Variants in DMD observed in about 807,000 individuals in gnomAD.
DMD encodes the protein mutant dystrophin.
A neutral mutation model predicts 330.1 loss-of-function variants in DMD; 63 were observed. That is an observed-to-expected ratio of 0.19 (90% confidence interval 0.16 to 0.24). DMD has a LOEUF of 0.24. DMD is among the 10% of genes least tolerant of loss of function. DMD has a pLI of 1.00. For synonymous variants in DMD, 1,223 were observed against 959.8 expected (o/e 1.27, Z -5.07); for missense variants, 3,344 against 2,684.1 (o/e 1.25, Z -5.43).
intron 74 of DMD, among the ~76,000 whole-genome samples, chrX:31,155,451 A>G: frequency 8.9e-6 from 1 of 112,519 alleles, no homozygotes; most frequent in East Asian, 2.8e-4. Context: ...AAGTAGAACA[A>G]CTACAAAGAT....
chrX:32,668,776 G>A (rs1313996428), intron 9 of DMD, among the ~76,000 whole-genome samples: 1 of 109,781 alleles, frequency 9.1e-6, no homozygotes, highest in East Asian at 2.8e-4. Context: ...TTTTAATGAA[G>A]GGAGGAAAAT....
chrX:32,123,237 A>ATT (rs2096646189), intron 44 of DMD, among the ~76,000 whole-genome samples: 1 of 85,665 alleles, frequency 1.2e-5, no homozygotes, highest in Non-Finnish European at 2.3e-5. Context: ...ATATATATAT[A>ATT]TATATAAATG....
chrX:31,891,180 T>C (rs748782539), intron 47 of DMD, among the ~76,000 whole-genome samples: 4 of 111,046 alleles, frequency 3.6e-5, no homozygotes, highest in Non-Finnish European at 7.6e-5. Context: ...TCGGGAAGAG[T>C]TGGCATTGGC....
chrX:31,255,769 CTTTTTTTTTTT>C (rs146884145), intron 63 of DMD, among the ~76,000 whole-genome samples: 1 of 50,832 alleles, frequency 2.0e-5, no homozygotes, highest in African/African-American at 1.0e-4. Flanking sequence ...AATATCGTTA[CTTTTTTTTTTT>C]TTTTTTTTTT....
chrX:33,317,409 T>C (rs191935529), intron 1 of DMD, among the ~76,000 whole-genome samples: 107 of 112,027 alleles, frequency 9.6e-4, no homozygotes, highest in African/African-American at 3.3e-3. Flanking sequence ...AATTTTATTC[T>C]TTTTCTATGC....
intron 17 of DMD, among the ~76,000 whole-genome samples, chrX:32,520,534 C>A (rs750200489): frequency 6.2e-4 from 69 of 111,613 alleles, no homozygotes; most frequent in South Asian, 5.3e-3. Context: ...CCAGTGAGAG[C>A]TTGGAATTGG....
chrX:32,139,085 T>C (rs1432279303), intron 44 of DMD, among the ~76,000 whole-genome samples: 1 of 112,236 alleles, frequency 8.9e-6, no homozygotes, highest in Non-Finnish European at 1.9e-5. Flanking sequence ...TTCATTCTCA[T>C]ACACTTCACA....
intron 16 of DMD, among the ~76,000 whole-genome samples, chrX:32,550,198 A>T (rs936367139): frequency 1.8e-5 from 2 of 111,986 alleles, no homozygotes; most frequent in African/African-American, 6.5e-5. Context: ...AAACATATCG[A>T]AAGGTACAAT....
At chrX:32,975,432 G>GGT (rs1418399383) in intron 2 of DMD, among the ~76,000 whole-genome samples, 1 of 103,857 alleles carries the variant, frequency 9.6e-6, no homozygotes, top group African/African-American at 3.6e-5. Context: ...ACTGCATGAG[G>GGT]GTCTAGGAAG....
chrX:31,645,643 T>A (rs2080047485), intron 54 of DMD, among the ~76,000 whole-genome samples: 1 of 112,521 alleles, frequency 8.9e-6, no homozygotes. Flanking sequence ...ATGCTATCTA[T>A]CTTACAAACA....
Position 32,450,992 on chromosome X carries a change from T to A in DMD, c.3604-2354A>T, listed in dbSNP as rs73451740. Among the ~76,000 whole-genome samples, 863 of 111,062 alleles carry A rather than the reference T, an allele frequency of 7.8e-3. 11 individuals are homozygous for A. Among genetic ancestry groups the A allele is most frequent in the African/African-American group, 0.026 (785 of 30,702 alleles). ...CTAGGAGAAAAGGTAGAAAGCTAAATGACTGGTACAGTTTCTATACAAATC... is the reference window on the plus strand; with the variant it reads ...CTAGGAGAAAAGGTAGAAAGCTAAAAGACTGGTACAGTTTCTATACAAATC... On this transcript the variant is annotated intron_variant, in intron 26 of 78. Transcript: ENST00000357033.
At chrX:32,862,291 A>G (rs2082127398) in intron 2 of DMD, among the ~76,000 whole-genome samples, 2 of 112,439 alleles carry the variant, frequency 1.8e-5, no homozygotes, top group South Asian at 7.3e-4. Flanking sequence ...CATCTTAACT[A>G]GAACCCAATA....
chrX:31,599,559 A>G (rs1159896949), intron 55 of DMD, among the ~76,000 whole-genome samples: 1 of 112,541 alleles, frequency 8.9e-6, no homozygotes, highest in African/African-American at 3.2e-5. Flanking sequence ...ATGATTAGAA[A>G]GACAATTGTA....
At chrX:33,321,516 A>G (rs2054015195) in intron 1 of DMD, among the ~76,000 whole-genome samples, 1 of 111,917 alleles carries the variant, frequency 8.9e-6, no homozygotes, top group Non-Finnish European at 1.9e-5. Flanking sequence ...ATGTGCTCTC[A>G]TCCAGGCTTT....
intron 44 of DMD, among the ~76,000 whole-genome samples, chrX:32,195,622 GTGGGAAGAAA>G (rs2096996225): frequency 8.9e-6 from 1 of 112,429 alleles, no homozygotes; most frequent in African/African-American, 3.2e-5. Context: ...TGTACATTTT[GTGGGAAGAAA>G]TGTGCTTATA....
At chrX:32,822,758 C>T (rs1333047691) in intron 5 of DMD, among the ~76,000 whole-genome samples, 1 of 110,458 alleles carries the variant, frequency 9.1e-6, no homozygotes, top group African/African-American at 3.3e-5. Context: ...ATCCTTCAAC[C>T]CATTTTGCAG....
At chrX:33,295,263 T>C (rs1015207055) in intron 1 of DMD, among the ~76,000 whole-genome samples, 1 of 111,294 alleles carries the variant, frequency 9.0e-6, no homozygotes, top group African/African-American at 3.3e-5. Context: ...ATCTGTATGG[T>C]GAAAATGCTA....
chrX:32,317,192 ATTTC>A (rs1207187242), intron 41 of DMD, among the ~76,000 whole-genome samples: 37 of 111,479 alleles, frequency 3.3e-4, no homozygotes, highest in African/African-American at 1.2e-3. Flanking sequence ...AATTCATTTT[ATTTC>A]TTTGTGTTTA....
chrX:32,504,932 A>T (rs2044467293), intron 18 of DMD, among the ~76,000 whole-genome samples: 1 of 112,185 alleles, frequency 8.9e-6, no homozygotes, highest in South Asian at 3.7e-4. Flanking sequence ...ACATACCAAA[A>T]ATAAATACAT....
Sources: allele counts gnomAD v4.1 joint callset (sites outside exome capture counted in the v4.1 genomes callset), GRCh38; gene constraint gnomAD v4.1.1; transcripts MANE v1.5; gene names NCBI Gene and HGNC (gene_info 2026-07-23, HGNC 2026-07-21).